ITGA11: variants seen among roughly 807,000 people sequenced by gnomAD.
ITGA11 encodes integrin alpha-11.
In ITGA11, 97 loss-of-function variants were observed where a neutral mutation model predicts 141.9. The ratio of observed to expected loss-of-function variants is 0.68; its 90% CI spans 0.58 to 0.81. The LOEUF is 0.81. Among genes scored for constraint, ITGA11 ranks in the 30% least tolerant of loss-of-function variants. The probability of loss-of-function intolerance (pLI) is 0.00; values close to 1 mark genes in which losing one functional copy is unlikely to be tolerated. For missense variants in ITGA11, 1,387 were observed against 1,559.2 expected, an observed-to-expected ratio of 0.89 and a Z score of 1.86; for synonymous variants, 658 against 624.6, an observed-to-expected ratio of 1.05 and a Z score of -0.80.
intron 1 of ITGA11, among the ~76,000 whole-genome samples, chr15:68,407,693 A>G (rs1896681149): frequency 6.6e-6 from 1 of 152,192 alleles, no homozygotes; most frequent in South Asian, 2.1e-4. Context: ...GCCGTGGCCA[A>G]AGTTACGTCA....
intron 11 of ITGA11, chr15:68,336,143 C>T (rs999043846): frequency 1.8e-5 from 8 of 453,008 alleles, no homozygotes; most frequent in Non-Finnish European, 2.4e-5. Flanking sequence ...GAAATGCACA[C>T]ATCCCTCCTT....
rs760566590 is a variant in ITGA11 at position 68,357,205 on chromosome 15, A to G, written c.695T>C (p.Ile232Thr). ...VKDVVEAASH[I>T]EQRGGTETRT... ...GGTCTCTGTTCCTCCTCTCTGCTCAATGTGGCTGGCAGCTTCCACCACATC... is the reference window on the plus strand; with the variant it reads ...GGTCTCTGTTCCTCCTCTCTGCTCAGTGTGGCTGGCAGCTTCCACCACATC... The change falls in exon 7 of 30, where the codon ATT becomes ACT. Residue 232 changes from isoleucine (I) to threonine (T), a missense_variant. Coordinates refer to ENST00000315757, the MANE Select transcript of ITGA11 (RefSeq NM_001004439.2). 2 of 1,613,862 alleles carry G rather than the reference A, an allele frequency of 1.2e-6. No homozygotes were observed. Among genetic ancestry groups the G allele is most frequent in the East Asian group, 2.2e-5 (1 of 44,898 alleles).
chr15:68,348,838 C>T lies in ITGA11; in HGVS notation c.1123G>A (p.Val375Met), dbSNP rs773929019. The T allele has an allele frequency of 1.2e-5, 19 of 1,608,018 alleles. No individual in the cohort carries two copies. Among genetic ancestry groups the T allele is most frequent in the African/African-American group, 2.7e-5 (2 of 74,804 alleles). The change falls in exon 10 of 30, where the codon GTG becomes ATG. Residue 375 changes from valine (V) to methionine (M), a missense_variant. Transcript: ENST00000315757. ...GTACCTCCACCACATACCTCCACCA[C>T]GTGCGAGGAAAAGCCCGTCTGTGAC... ...EMSQTGFSSH[V>M]VEDGVLLGAV...
chr15:68,313,807 T>C lies in ITGA11; in HGVS notation c.2854A>G (p.Lys952Glu). 1 of 1,613,922 alleles carries C rather than the reference T, an allele frequency of 6.2e-7. No individual in the cohort carries two copies. Among genetic ancestry groups the C allele is most frequent in the African/African-American group, 1.3e-5 (1 of 75,040 alleles). ...DNVAPLRFHLKYEADVLFTRS... is the reference protein window; with the variant it reads ...DNVAPLRFHLEYEADVLFTRS... ...GTGAAGAGGACGTCAGCCTCGTATT[T>C]GAGGTGGAAGCGTAAGGGGGCCACG... Residue 952 changes from lysine to glutamate, a missense_variant, in exon 23 of 30, where the codon AAA (lysine) becomes GAA (glutamate). Lys to Glu is a moderately conservative substitution (Grantham distance 56). Coordinates refer to ENST00000315757, the MANE Select transcript of ITGA11 (RefSeq NM_001004439.2).
intron 1 of ITGA11, among the ~76,000 whole-genome samples, chr15:68,416,260 C>A (rs1896883797): frequency 6.6e-6 from 1 of 152,158 alleles, no homozygotes; most frequent in East Asian, 1.9e-4. Context: ...CAGAAAAAAA[C>A]AATCAATCTG....
chr15:68,348,827 T>C lies in ITGA11; in HGVS notation c.1131+3A>G, dbSNP rs772948168. ...GCTCTGTGCCCGTACCTCCACCACA[T>C]ACCTCCACCACGTGCGAGGAAAAGC... is the stretch of plus-strand genomic sequence containing the variant. On this transcript the variant is annotated splice_donor_region_variant and intron_variant, in intron 10 of 29. Coordinates refer to ENST00000315757, the MANE Select transcript of ITGA11 (RefSeq NM_001004439.2). The C allele has an allele frequency of 5.6e-6, 9 of 1,606,466 alleles. No homozygotes were observed. The South Asian group carries it at 5.6e-5, about 10-fold the overall frequency.
rs1028448263 is a variant in ITGA11, at chr15:68,302,742, A to C, written c.*317T>G. Reference sequence around the variant, plus strand: ...GATGATTACGAATTCCTAGCACCTTAGTAGCTGGGGCAGCAAATGCCCTCC... The same window carrying C: ...GATGATTACGAATTCCTAGCACCTTCGTAGCTGGGGCAGCAAATGCCCTCC... On this transcript the variant is annotated 3_prime_UTR_variant, in exon 30 of 30. Coordinates refer to ENST00000315757, the MANE Select transcript of ITGA11 (RefSeq NM_001004439.2). 1 of 318,892 alleles carries C rather than the reference A, an allele frequency of 3.1e-6. No individual in the cohort carries two copies. The highest frequency in any genetic ancestry group is 2.2e-5 in the African/African-American group (1 of 46,188). 19.8% of individuals were successfully genotyped at this position (318,892 alleles called of 1,614,324 possible).
At chr15:68,416,733 T>C (rs886291490) in intron 1 of ITGA11, among the ~76,000 whole-genome samples, 4 of 152,018 alleles carry the variant, frequency 2.6e-5, no homozygotes, top group African/African-American at 9.7e-5. Context: ...CTGGGCAACA[T>C]GGTGAAACCC....
At chr15:68,347,327 G>A (rs2140326097) in intron 10 of ITGA11, among the ~76,000 whole-genome samples, 1 of 152,320 alleles carries the variant, frequency 6.6e-6, no homozygotes, top group African/African-American at 2.4e-5. Flanking sequence ...ACTGAAAAGA[G>A]TGGCTGATCC....
chr15:68,400,601 TTATAA>T (rs1383072680), intron 2 of ITGA11, among the ~76,000 whole-genome samples: 1 of 101,932 alleles, frequency 9.8e-6, no homozygotes, highest in Non-Finnish European at 1.8e-5. Context: ...ATATTATATA[TTATAA>T]TATATAATAT....
chr15:68,429,179 T>G (rs1276063510), intron 1 of ITGA11, among the ~76,000 whole-genome samples: 2 of 152,220 alleles, frequency 1.3e-5, no homozygotes, highest in Non-Finnish European at 2.9e-5. Context: ...CTAAGTTCTA[T>G]TATTACCCCC....
At position 68,410,428 on chromosome 15, in the gene ITGA11, A is replaced by T. The variant is rs945330635; in HGVS notation, c.53-7399T>A. ...TTTTACTTGGGCCCCAAGAATCTTCACGTCTAAAAGCAAATCACAGAGAGG... is the reference window on the plus strand; with the variant it reads ...TTTTACTTGGGCCCCAAGAATCTTCTCGTCTAAAAGCAAATCACAGAGAGG... On this transcript the variant is annotated intron_variant, in intron 1 of 29. Transcript: ENST00000315757. 2.0e-5 allele frequency among the ~76,000 whole-genome samples: 3 copies of T among 152,194 alleles called. No homozygotes were observed. In the East Asian group the frequency reaches 5.8e-4, roughly 29 times the overall value.
At chr15:68,426,020 C>A (rs1225441817) in intron 1 of ITGA11, among the ~76,000 whole-genome samples, 1 of 152,206 alleles carries the variant, frequency 6.6e-6, no homozygotes, top group African/African-American at 2.4e-5. Flanking sequence ...TGTTATAGAA[C>A]GAGGCTGCCC....
rs911949863 is a variant in ITGA11, at chr15:68,303,661, G to A, written c.3495+111C>T. 2.9e-6 allele frequency: 2 copies of A among 683,834 alleles called. No homozygotes were observed. The highest frequency in any genetic ancestry group is 1.9e-5 in the South Asian group (1 of 53,168). The allele number at this position is 683,834 out of a possible 1,614,324, so 42.4% of individuals were successfully genotyped here. On this transcript the variant is annotated intron_variant, in intron 29 of 29. Transcript: ENST00000315757. The surrounding 1 kb of genome is among the most constrained non-coding windows in gnomAD (Gnocchi z 5.3). ...TGTCTGCTATGGCGAGGGGTGGGGT[G>A]CCAGCTCCCCTGGAGAGGAGAACGT...
At position 68,324,873 on chromosome 15, in the gene ITGA11, G is replaced by A. The variant is rs1216011091; in HGVS notation, c.2322+258C>T. On this transcript the variant is annotated intron_variant, in intron 18 of 29. Coordinates refer to ENST00000315757, the MANE Select transcript of ITGA11 (RefSeq NM_001004439.2). This position sits in a 1 kb window ranked among gnomAD's most constrained non-coding sequence, Gnocchi z 6.3. Reference sequence around the variant, plus strand: ...TCCGGTGCTCACCCTGTGCTCCCCTGTGCTGGGGATACGGGGAAACTTGAA... The same window carrying A: ...TCCGGTGCTCACCCTGTGCTCCCCTATGCTGGGGATACGGGGAAACTTGAA... Among the ~76,000 whole-genome samples the A allele has an allele frequency of 2.0e-5, 3 of 152,190 alleles. No individual in the cohort carries two copies. Among genetic ancestry groups the A allele is most frequent in the Middle Eastern group, 3.2e-3 (1 of 316 alleles).
In ITGA11 at chr15:68,332,470, A is replaced by AGC. The variant is rs767089021; in HGVS notation, c.1433_1434insGC (p.Tyr479LeufsTer17). The AGC allele has an allele frequency of 6.2e-7, 1 of 1,612,486 alleles. No homozygotes were observed. Among genetic ancestry groups the AGC allele is most frequent in the Non-Finnish European group, 8.5e-7 (1 of 1,179,370 alleles). On this transcript the variant is annotated frameshift_variant, in exon 13 of 30. Transcript: ENST00000315757. LOFTEE classifies it high-confidence loss of function. ...CCGAGGTGATTTCACTCCCAAAGTA[A>AGC]GAGCCTATCTGCGGCACGTGATGGG...
intron 2 of ITGA11, among the ~76,000 whole-genome samples, 185 bp downstream of exon 2, chr15:68,402,733 T>C (rs998035483): frequency 1.3e-5 from 2 of 152,174 alleles, no homozygotes; most frequent in East Asian, 1.9e-4. Context: ...AAATTGAACA[T>C]TCAAGCTTTC....
At chr15:68,426,104 A>G (rs1284160964) in intron 1 of ITGA11, among the ~76,000 whole-genome samples, 1 of 152,214 alleles carries the variant, frequency 6.6e-6, no homozygotes, top group African/African-American at 2.4e-5. Context: ...GGACTACACC[A>G]GGTAGGTCTT....
chr15:68,415,640 G>A (rs1896870698), intron 1 of ITGA11, among the ~76,000 whole-genome samples: 1 of 152,298 alleles, frequency 6.6e-6, no homozygotes, highest in African/African-American at 2.4e-5. Context: ...TGGAGCTGCA[G>A]CCACAGTGTC....
Sources: gnomAD v4.1 joint callset for allele counts (sites outside exome capture counted in the v4.1 genomes callset) on GRCh38, gnomAD v4.1.1 for gene constraint, Gnocchi (gnomAD v3.1) non-coding constraint, MANE v1.5 for transcripts, NCBI Gene and HGNC (gene_info 2026-07-23, HGNC 2026-07-21) for gene names.